Variants in FMR1 observed in about 807,000 individuals in gnomAD.
FMR1 encodes FMRP translational regulator 1.
A neutral mutation model predicts 50.6 loss-of-function variants in FMR1; 13 were observed. The observed-to-expected ratio is 0.26, with a 90% CI of 0.17 to 0.41. FMR1 has a LOEUF of 0.41. FMR1 is among the 10% of genes least tolerant of loss of function. The probability of loss-of-function intolerance (pLI) is 1.00; values close to 1 mark genes in which losing one functional copy is unlikely to be tolerated. For missense variants in FMR1, 316 were observed against 491.3 expected (o/e 0.64, Z 3.37); for synonymous variants, 138 against 164.1 (o/e 0.84, Z 1.22).
At chrX:147,940,477 G>A (rs2043965836) in intron 12 of FMR1, 99 bp from the exon 13 acceptor site, 1 of 590,343 alleles carries the variant, frequency 1.7e-6, no homozygotes, top group African/African-American at 2.2e-5. Flanking sequence ...TATACCTGCT[G>A]TTCACCAGAT....
intron 11 of FMR1, among the ~76,000 whole-genome samples, chrX:147,937,847 CT>C (rs2124542441): frequency 8.9e-6 from 1 of 112,230 alleles, no homozygotes; most frequent in South Asian, 3.6e-4. Flanking sequence ...TCACATTTTT[CT>C]TTTGACAGTG....
rs150405928 is a variant in FMR1, at chrX:147,930,297, G to A, written c.630+53G>A. On this transcript the variant is annotated intron_variant, in intron 7 of 16. Transcript: ENST00000370475. Reference sequence around the variant, plus strand: ...TAAGGGTACCTAGGAACGATTAACTGTATCATTCCACAACTTGAATATGGG... The same window carrying A: ...TAAGGGTACCTAGGAACGATTAACTATATCATTCCACAACTTGAATATGGG... 136 of 718,826 alleles carry A rather than the reference G, an allele frequency of 1.9e-4. No individual in the cohort carries two copies. In the African/African-American group the frequency reaches 2.2e-3, roughly 12 times the overall value. 59.2% of individuals were successfully genotyped at this position (718,826 alleles called of 1,213,427 possible). A position where few individuals can be genotyped will look rare whatever the true frequency, so the allele number is the denominator to read the frequency against.
chrX:147,932,300 C>T, intron 7 of FMR1, 125 bp from the exon 8 acceptor site: 1 of 623,668 alleles, frequency 1.6e-6, no homozygotes, highest in Non-Finnish European at 2.6e-6. Flanking sequence ...TTAGTTTTAA[C>T]CTAAAACTAT....
intron 9 of FMR1, among the ~76,000 whole-genome samples, chrX:147,935,117 A>G (rs1388957821): frequency 8.9e-6 from 1 of 112,084 alleles, no homozygotes; most frequent in Non-Finnish European, 1.9e-5. Context: ...ATTCATGAAA[A>G]TGTAAGTGTT....
intron 2 of FMR1, 122 bp from the exon 3 acceptor site, chrX:147,925,418 T>C: frequency 3.5e-6 from 2 of 575,093 alleles, no homozygotes; most frequent in South Asian, 4.8e-5. Flanking sequence ...ATTTTAAAGC[T>C]TTTGCTTCTT....
intron 12 of FMR1, among the ~76,000 whole-genome samples, chrX:147,938,826 A>G (rs1273605397): frequency 9.0e-6 from 1 of 111,578 alleles, no homozygotes; most frequent in Non-Finnish European, 1.9e-5. Flanking sequence ...CGGGCAGCCC[A>G]TTATTCCAGA....
chrX:147,918,836 A>G (rs782726338), intron 1 of FMR1, among the ~76,000 whole-genome samples: 39 of 110,873 alleles, frequency 3.5e-4, no homozygotes, highest in Admixed American at 1.1e-3. Context: ...GTAGCTATTG[A>G]GCACTTGACA....
rs1557183411 is a variant in FMR1 at position 147,950,469 on chromosome X, T to C, written c.*1625T>C. 6 of 328,403 alleles carry C rather than the reference T, an allele frequency of 1.8e-5. No individual in the cohort carries two copies. In the Admixed American group the frequency reaches 1.9e-4, roughly 10 times the overall value. The allele number at this position is 328,403 out of a possible 1,213,427, so 27.1% of individuals were successfully genotyped here. ...TAAGCTGTTTGGTTTTAAAATACTG[T>C]AGATAATTAACCAAGGTAGAATGAC... On this transcript the variant is annotated 3_prime_UTR_variant, in exon 17 of 17. Transcript: ENST00000370475.
chrX:147,939,725 C>T (rs927155681), intron 12 of FMR1, among the ~76,000 whole-genome samples: 2 of 68,522 alleles, frequency 2.9e-5, no homozygotes, highest in East Asian at 9.4e-4. Flanking sequence ...GGCGAAACCC[C>T]GTCTCTACAG....
Position 147,949,144 on chromosome X carries a change from C to T in FMR1, c.*300C>T, listed in dbSNP as rs1209409957. The T allele has an allele frequency of 7.6e-6, 3 of 393,415 alleles. No individual in the cohort carries two copies. Among genetic ancestry groups the T allele is most frequent in the Non-Finnish European group, 1.4e-5 (3 of 213,011 alleles). 32.4% of individuals were successfully genotyped at this position (393,415 alleles called of 1,213,427 possible). A position where few individuals can be genotyped will look rare whatever the true frequency, so the allele number is the denominator to read the frequency against. ...AGTGATATTCTTTGTTAATTTGGAC[C>T]ATTTTCCTGCATTGGGTGATCATTC... On this transcript the variant is annotated 3_prime_UTR_variant, in exon 17 of 17. Transcript: ENST00000370475.
At chrX:147,923,033 A>G (rs1383196334) in intron 2 of FMR1, among the ~76,000 whole-genome samples, 2 of 112,020 alleles carry the variant, frequency 1.8e-5, no homozygotes, top group African/African-American at 6.5e-5. Flanking sequence ...ACCCAGGCAT[A>G]CTGAGCAATA....
At chrX:147,945,729 G>A (rs1023738085) in intron 16 of FMR1, 113 bp downstream of exon 16, 12 of 584,474 alleles carry the variant, frequency 2.1e-5, no homozygotes, top group Non-Finnish European at 3.4e-5. Flanking sequence ...TCCAGTTTAT[G>A]TGAAATATTT....
chrX:147,932,668 GT>G lies in FMR1; in HGVS notation c.802-14del. On this transcript the variant is annotated splice_polypyrimidine_tract_variant and intron_variant, in intron 8 of 16. Transcript: ENST00000370475. ...GCTGGCTAATCTTTTGTCTTAAAAT[GT>G]TTCCCCTTTTATTAGGATCAGGATG... The G allele has an allele frequency of 8.3e-7, 1 of 1,203,275 alleles. No individual in the cohort carries two copies. Among genetic ancestry groups the G allele is most frequent in the Non-Finnish European group, 1.1e-6 (1 of 888,301 alleles).
intron 3 of FMR1, chrX:147,928,121 C>A: frequency 2.7e-6 from 1 of 376,899 alleles, no homozygotes; most frequent in Non-Finnish European, 4.7e-6. Context: ...AGCTTCAAAG[C>A]AATCTCAGGT....
chrX:147,933,487 G>A (rs1357212178), intron 9 of FMR1: 1 of 954,651 alleles, frequency 1.0e-6, no homozygotes, highest in Non-Finnish European at 1.3e-6. Context: ...TTTCTGCAAA[G>A]TCAATAGTAA....
intron 1 of FMR1, chrX:147,913,925 A>G (rs2124401808): frequency 8.9e-6 from 1 of 111,781 alleles, no homozygotes; most frequent in East Asian, 2.8e-4. Flanking sequence ...GTTAGGCAAG[A>G]TTTTGATTGA....
intron 16 of FMR1, among the ~76,000 whole-genome samples, chrX:147,946,614 A>G (rs782356635): frequency 4.6e-4 from 52 of 112,688 alleles, no homozygotes; most frequent in African/African-American, 1.6e-3. Flanking sequence ...AGGTGAGTGC[A>G]CTGTAGCTTC....
At position 147,921,886 on chromosome X, in the gene FMR1, A is replaced by G. The variant is rs80358323; in HGVS notation, c.52-47A>G. ...ACTGTAAAATTTAACTAAAAACAAA[A>G]ACTATCTTTAAGCTCACAAGTTAAT... On this transcript the variant is annotated intron_variant, in intron 1 of 16. Transcript: ENST00000370475. 7.9e-3 allele frequency: 6,973 copies of G among 884,224 alleles called. 20 individuals carry two copies. Among genetic ancestry groups the G allele is most frequent in the Non-Finnish European group, 9.4e-3 (5,672 of 602,280 alleles). 72.9% of individuals were successfully genotyped at this position (884,224 alleles called of 1,213,427 possible). A position where few individuals can be genotyped will look rare whatever the true frequency, so the allele number is the denominator to read the frequency against.
intron 1 of FMR1, among the ~76,000 whole-genome samples, chrX:147,921,115 A>AT (rs1557176348): frequency 1.8e-5 from 2 of 111,940 alleles, no homozygotes; most frequent in Non-Finnish European, 3.8e-5. Context: ...TTTAAAATAA[A>AT]TTAAGATATA....
Sources: gnomAD v4.1 joint callset for allele counts (sites outside exome capture counted in the v4.1 genomes callset) on GRCh38, gnomAD v4.1.1 for gene constraint, MANE v1.5 for transcripts, NCBI Gene and HGNC (gene_info 2026-07-23, HGNC 2026-07-21) for gene names.